The following GAS7 variants were observed in gnomAD, a reference collection of about 807,000 sequenced individuals.
GAS7 encodes growth arrest specific 7.
GAS7 carries 28 observed loss-of-function variants against 71.1 expected under a neutral mutation model. The observed-to-expected ratio is 0.39, with a 90% CI of 0.29 to 0.54. The LOEUF is 0.54. Among genes scored for constraint, GAS7 ranks in the 20% least tolerant of loss-of-function variants. The pLI is 0.62. For missense variants in GAS7, 436 were observed against 627.8 expected (o/e 0.69, Z 3.27); for synonymous variants, 258 against 245.8 (o/e 1.05, Z -0.46).
At chr17:9,938,912 TG>T (rs777298089) in intron 8 of GAS7, among the ~76,000 whole-genome samples, 16 of 152,212 alleles carry the variant, frequency 1.1e-4, no homozygotes, top group Non-Finnish European at 1.8e-4. Context: ...CTTAGCAGAA[TG>T]TTTTCGAGGC....
intron 5 of GAS7, among the ~76,000 whole-genome samples, chr17:9,951,075 T>C (rs2068987361): frequency 6.6e-6 from 1 of 152,054 alleles, no homozygotes; most frequent in African/African-American, 2.4e-5. Context: ...CAGAGACAAG[T>C]CTCCTTCCTT....
intron 1 of GAS7, among the ~76,000 whole-genome samples, chr17:10,111,641 G>T (rs960215336): frequency 1.3e-5 from 2 of 152,116 alleles, no homozygotes; most frequent in African/African-American, 4.8e-5. Flanking sequence ...CCGAGATCAC[G>T]CCACTGCACT....
chr17:10,132,700 G>A (rs758944965), intron 1 of GAS7, among the ~76,000 whole-genome samples: 12 of 152,018 alleles, frequency 7.9e-5, no homozygotes, highest in African/African-American at 1.2e-4. Context: ...CCCAGGAGGC[G>A]GAGGGTGCAG....
intron 1 of GAS7, among the ~76,000 whole-genome samples, chr17:10,124,379 CCA>C (rs35481083): frequency 0.51 from 78,021 of 151,916 alleles, 20,596 homozygotes; most frequent in East Asian, 0.72. Flanking sequence ...AGCGCAGCCT[CCA>C]CACAACACAG....
chr17:10,137,141 C>T (rs907712919), intron 1 of GAS7, among the ~76,000 whole-genome samples: 12 of 135,562 alleles, frequency 8.9e-5, no homozygotes, highest in South Asian at 4.7e-4. Context: ...AGAGAGAGAC[C>T]GCAAATACTC....
intron 2 of GAS7, among the ~76,000 whole-genome samples, chr17:9,988,849 C>CTTTTT (rs554594604): frequency 2.3e-5 from 3 of 131,778 alleles, no homozygotes; most frequent in Non-Finnish European, 3.2e-5. Context: ...CTGTCATTTC[C>CTTTTT]TTTTTTTTTT....
Position 10,103,420 on chromosome 17 carries a change from A to G in GAS7, c.184-83523T>C, listed in dbSNP as rs972183881. On this transcript the variant is annotated intron_variant, in intron 1 of 13. Transcript: ENST00000432992. The surrounding 1 kb of genome is among the most constrained non-coding windows in gnomAD (Gnocchi z 5.5). ...AAATTTGAGAAGCACAGCTCATGCC[A>G]TCTAGCGACCCTACTCTAGCTGCCC... 1.3e-5 allele frequency among the ~76,000 whole-genome samples: 2 copies of G among 152,174 alleles called. No homozygotes were observed. Among genetic ancestry groups the G allele is most frequent in the African/African-American group, 4.8e-5 (2 of 41,444 alleles).
chr17:10,108,058 C>CA (rs2073776761), intron 1 of GAS7, among the ~76,000 whole-genome samples: 1 of 151,996 alleles, frequency 6.6e-6, no homozygotes, highest in East Asian at 1.9e-4. Context: ...AACCACCTTA[C>CA]CATAGTCCAG....
chr17:10,160,143 C>G lies in GAS7; in HGVS notation c.183+38065G>C, dbSNP rs535640429. On this transcript the variant is annotated intron_variant, in intron 1 of 13. Coordinates refer to ENST00000432992, the MANE Select transcript of GAS7 (RefSeq NM_201433.2). ...CTGGTCTTGAACTCCTGAGCTCAAG[C>G]GATCCACCCACCTCAGCCTCCCAAG... is the stretch of plus-strand genomic sequence containing the variant. Among the ~76,000 whole-genome samples the G allele has an allele frequency of 3.3e-5, 5 of 151,856 alleles. No individual in the cohort carries two copies. In the East Asian group the frequency reaches 7.8e-4, roughly 24 times the overall value.
chr17:10,017,569 T>C (rs550510047), intron 2 of GAS7, among the ~76,000 whole-genome samples: 33 of 152,266 alleles, frequency 2.2e-4, no homozygotes, highest in African/African-American at 7.9e-4. Context: ...CCTCAAGTGA[T>C]CCACCTGCCT....
At chr17:10,038,183 C>A (rs938448475) in intron 1 of GAS7, among the ~76,000 whole-genome samples, 5 of 152,044 alleles carry the variant, frequency 3.3e-5, no homozygotes, top group African/African-American at 9.7e-5. Flanking sequence ...CGTGGTGATA[C>A]CCCGTCTCTA....
chr17:9,919,528 T>C lies in GAS7; in HGVS notation c.1218+98A>G. On this transcript the variant is annotated intron_variant, in intron 12 of 13. Coordinates refer to ENST00000432992, the MANE Select transcript of GAS7 (RefSeq NM_201433.2). The surrounding 1 kb of genome is among the most constrained non-coding windows in gnomAD (Gnocchi z 5.0). Reference sequence around the variant, plus strand: ...GTAGATTTGATGACCATCTCCAGGGTCACTCCACCCCATCATCCCCGCGCC... The same window carrying C: ...GTAGATTTGATGACCATCTCCAGGGCCACTCCACCCCATCATCCCCGCGCC... The C allele has an allele frequency of 2.3e-6, 2 of 859,740 alleles. No homozygotes were observed. The highest frequency in any genetic ancestry group is 2.6e-5 in the South Asian group (2 of 75,624). The allele number at this position is 859,740 out of a possible 1,614,324, so 53.3% of individuals were successfully genotyped here. A position where few individuals can be genotyped will look rare whatever the true frequency, so the allele number is the denominator to read the frequency against.
intron 1 of GAS7, chr17:10,036,613 G>A (rs1481209543): frequency 1.2e-5 from 17 of 1,454,398 alleles, no homozygotes; most frequent in East Asian, 7.4e-5. Flanking sequence ...GCACCCCAGC[G>A]GAGGTTCCTG....
intron 5 of GAS7, among the ~76,000 whole-genome samples, chr17:9,951,773 A>AAAAG (rs2069023436): frequency 6.6e-6 from 1 of 150,852 alleles, no homozygotes; most frequent in Non-Finnish European, 1.5e-5. Context: ...AAAAAAAAAA[A>AAAAG]AAAAAAAAAA....
At chr17:9,992,335 T>G (rs1341212926) in intron 2 of GAS7, among the ~76,000 whole-genome samples, 1 of 151,934 alleles carries the variant, frequency 6.6e-6, no homozygotes, top group Non-Finnish European at 1.5e-5. Context: ...CCAGGGGTGC[T>G]ATATGAATTA....
At chr17:9,958,575 T>C (rs1390760537) in intron 5 of GAS7, among the ~76,000 whole-genome samples, 1 of 143,978 alleles carries the variant, frequency 6.9e-6, no homozygotes, top group Non-Finnish European at 1.5e-5. Flanking sequence ...GGGGCAATGA[T>C]GTCCAGCCCC....
chr17:9,991,579 C>A (rs1009963479), intron 2 of GAS7, among the ~76,000 whole-genome samples: 1 of 152,068 alleles, frequency 6.6e-6, no homozygotes, highest in Non-Finnish European at 1.5e-5. Flanking sequence ...CAGGAATAGC[C>A]AAGGAATTCG....
At chr17:10,065,049 T>C (rs2073266926) in intron 1 of GAS7, among the ~76,000 whole-genome samples, 1 of 152,192 alleles carries the variant, frequency 6.6e-6, no homozygotes, top group South Asian at 2.1e-4. Flanking sequence ...CTCAAACTCC[T>C]GGGCTCAAGT....
At chr17:10,167,894 T>C (rs1013383751) in intron 1 of GAS7, among the ~76,000 whole-genome samples, 1 of 152,030 alleles carries the variant, frequency 6.6e-6, no homozygotes, top group Non-Finnish European at 1.5e-5. Flanking sequence ...AGACGGGATT[T>C]TGTCATGTTG....
Sources: allele counts gnomAD v4.1 joint callset (sites outside exome capture counted in the v4.1 genomes callset), GRCh38; gene constraint gnomAD v4.1.1; non-coding constraint Gnocchi (gnomAD v3.1); transcripts MANE v1.5; gene names NCBI Gene and HGNC (gene_info 2026-07-23, HGNC 2026-07-21).